The following CCDC187 variants were observed in gnomAD, a reference collection of about 807,000 sequenced individuals.
CCDC187 encodes the protein coiled-coil domain containing 187, also known as coiled-coil domain-containing protein 187.
Under a neutral mutation model 38.0 loss-of-function variants are expected in CCDC187, and 32 were observed. The observed-to-expected ratio is 0.84, with a 90% CI of 0.64 to 1.13. The LOEUF is 1.13. Ranked by LOEUF, CCDC187 falls within the 50% of genes most tolerant of loss-of-function variation. CCDC187 has a pLI of 0.00. For missense variants in CCDC187, 707 were observed against 786.8 expected (o/e 0.90, Z 1.21); for synonymous variants, 333 against 347.9 (o/e 0.96, Z 0.48).
chr9:136,260,666 G>A (rs972538834), intron 19 of CCDC187, among the ~76,000 whole-genome samples: 6 of 152,096 alleles, frequency 3.9e-5, no homozygotes, highest in African/African-American at 1.2e-4. Flanking sequence ...CCGGCGACAC[G>A]TCGTCTGCCT....
intron 9 of CCDC187, among the ~76,000 whole-genome samples, chr9:136,282,396 CG>C (rs1374470269): frequency 2.0e-5 from 3 of 152,184 alleles, no homozygotes; most frequent in African/African-American, 7.2e-5. Flanking sequence ...CTACCAGGCA[CG>C]GGGAGGCAGT....
chr9:136,259,048 G>C, intron 21 of CCDC187, 47 bp from the exon 22 acceptor site: 1 of 985,032 alleles, frequency 1.0e-6, no homozygotes, highest in South Asian at 4.7e-5. Flanking sequence ...CCTGAAGGGA[G>C]GGCACCAAGG....
chr9:136,259,789 C>T (rs937132569), intron 20 of CCDC187, among the ~76,000 whole-genome samples: 5 of 152,204 alleles, frequency 3.3e-5, no homozygotes, highest in South Asian at 2.1e-4. Flanking sequence ...GAGGGCTGCA[C>T]GTGGCCCAGG....
At chr9:136,265,839 G>A in intron 17 of CCDC187, 117 bp downstream of exon 17, 1 of 444,338 alleles carries the variant, frequency 2.3e-6, no homozygotes, top group Non-Finnish European at 3.0e-6. Context: ...AGGGTGGCAA[G>A]GGCTTGGGAA....
chr9:136,306,246 G>A (rs953482784), upstream of CCDC187, among the ~76,000 whole-genome samples: 2 of 152,278 alleles, frequency 1.3e-5, no homozygotes, highest in Admixed American at 1.3e-4. Context: ...ACCCTACTCC[G>A]GGCCTAGCTG....
rs925993394 is a variant in CCDC187 at position 136,285,551 on chromosome 9, G to A, written c.2889C>T (p.Gly963=). 8 of 402,858 alleles carry A rather than the reference G, an allele frequency of 2.0e-5. No individual in the cohort carries two copies. The highest frequency in any genetic ancestry group is 8.2e-5 in the African/African-American group (4 of 48,640). The allele number at this position is 402,858 out of a possible 1,614,324, so 25.0% of individuals were successfully genotyped here. The part of the protein sequence containing the change: ...DVKPDKRLQR[G]VAPFQALSPS... ...GGCTGAGGGCCTGGAAGGGGGCCAC[G>A]CCTCTCTGCAGCCTTTTGTCTGGTT... The change falls in exon 9 of 26, where the codon GGC becomes GGT. Residue 963 remains glycine, a synonymous_variant. Transcript: ENST00000638797.
upstream of CCDC187, among the ~76,000 whole-genome samples, chr9:136,306,466 G>A (rs988212816): frequency 2.6e-4 from 40 of 152,198 alleles, no homozygotes; most frequent in African/African-American, 8.7e-4. Context: ...ACACACTGGC[G>A]TGCAGATGCT....
At position 136,261,947 on chromosome 9, in the gene CCDC187, G is replaced by C. The variant is rs116775175; in HGVS notation, c.4064+364C>G. Among the ~76,000 whole-genome samples the C allele has an allele frequency of 8.7e-3, 1,319 of 152,334 alleles. 27 individuals carry two copies. Among genetic ancestry groups the C allele is most frequent in the African/African-American group, 0.03 (1,255 of 41,580 alleles). Reference sequence around the variant, plus strand: ...CGGGAGGCTCTTGATGGGAAAAACAGCTCCTCCTCCCATGGCCAGGCTCTC... The same window carrying C: ...CGGGAGGCTCTTGATGGGAAAAACACCTCCTCCTCCCATGGCCAGGCTCTC... On this transcript the variant is annotated intron_variant, in intron 19 of 25. Coordinates refer to ENST00000638797, the MANE Select transcript of CCDC187 (RefSeq NM_001378188.1).
chr9:136,285,161 G>T (rs1053041232), intron 9 of CCDC187, among the ~76,000 whole-genome samples: 1 of 152,070 alleles, frequency 6.6e-6, no homozygotes, highest in Non-Finnish European at 1.5e-5. Context: ...TGGGGTCGCC[G>T]GGCCCGGATG....
rs560187253 is a variant in CCDC187, at chr9:136,256,151, G to A, written c.4616+60C>T. 14 of 896,306 alleles carry A rather than the reference G, an allele frequency of 1.6e-5. No homozygotes were observed. In the South Asian group the frequency reaches 2.0e-4, roughly 13 times the overall value. The allele number at this position is 896,306 out of a possible 1,614,324, so 55.5% of individuals were successfully genotyped here. A position where few individuals can be genotyped will look rare whatever the true frequency, so the allele number is the denominator to read the frequency against. ...CCACAGCAGGGGGACAGGGGGTACC[G>A]GCTGAACCCGTCTCCGTGCCTCACG... On this transcript the variant is annotated intron_variant, in intron 24 of 25. Transcript: ENST00000638797.
intron 9 of CCDC187, among the ~76,000 whole-genome samples, chr9:136,282,767 C>T (rs988069896): frequency 2.6e-5 from 4 of 152,232 alleles, no homozygotes; most frequent in Admixed American, 1.3e-4. Flanking sequence ...CCTCCCAACC[C>T]CCGCCCGCAT....
rs1303686796 is a variant in CCDC187, at chr9:136,270,357, C to G, written c.3443-2232G>C. On this transcript the variant is annotated intron_variant, in intron 14 of 25. Transcript: ENST00000638797. ...TAAGGAGTCTTAATCACTGAGTCGT[C>G]CAAGTGATTAAAAAGGTCAAGCAAG... 2.0e-5 allele frequency among the ~76,000 whole-genome samples: 3 copies of G among 152,050 alleles called. No individual in the cohort carries two copies. In the East Asian group the frequency reaches 5.8e-4, roughly 29 times the overall value.
At chr9:136,278,297 GT>G (rs1830972614) in intron 10 of CCDC187, among the ~76,000 whole-genome samples, 2 of 152,220 alleles carry the variant, frequency 1.3e-5, no homozygotes, top group African/African-American at 4.8e-5. Flanking sequence ...TCTCCCAGCT[GT>G]GGCCTGAGGA....
intron 14 of CCDC187, among the ~76,000 whole-genome samples, chr9:136,270,984 A>G (rs550808855): frequency 1.3e-5 from 2 of 152,352 alleles, no homozygotes; most frequent in East Asian, 1.9e-4. Flanking sequence ...GATCATCTCT[A>G]TATCTAATTT....
At chr9:136,293,054 G>A (rs1337170928) in intron 4 of CCDC187, among the ~76,000 whole-genome samples, 2 of 152,344 alleles carry the variant, frequency 1.3e-5, no homozygotes, top group East Asian at 3.9e-4. Context: ...GGCAAAGGCC[G>A]GAGGTAGGGC....
rs557296542 is a variant in CCDC187 at position 136,269,477 on chromosome 9, G to A, written c.3443-1352C>T. Among the ~76,000 whole-genome samples, 109 of 152,172 alleles carry A rather than the reference G, an allele frequency of 7.2e-4. 2 individuals carry two copies. Among genetic ancestry groups the A allele is most frequent in the Non-Finnish European group, 1.3e-3 (89 of 68,004 alleles). On this transcript the variant is annotated intron_variant, in intron 14 of 25. Coordinates refer to ENST00000638797, the MANE Select transcript of CCDC187 (RefSeq NM_001378188.1). ...ATCCTGGCTAACATGGTGAAACCCC[G>A]TCTCTACTAAAATACAAAAAATTAG...
At chr9:136,292,358 C>A in intron 4 of CCDC187, 63 bp from the exon 5 acceptor site, 1 of 398,364 alleles carries the variant, frequency 2.5e-6, no homozygotes, top group Non-Finnish European at 4.4e-6. Flanking sequence ...CTGGCCCGGA[C>A]GGGGAGGTTG....
intron 14 of CCDC187, among the ~76,000 whole-genome samples, chr9:136,273,596 G>A (rs868929058): frequency 3.0e-4 from 46 of 152,288 alleles, no homozygotes; most frequent in African/African-American, 1.1e-3. Context: ...CTTATTCATC[G>A]ATAGGAATGT....
At position 136,303,341 on chromosome 9, in the gene CCDC187, T is replaced by G. The variant is rs2131372733; in HGVS notation, c.144-48A>C. The G allele has an allele frequency of 2.3e-5, 9 of 395,480 alleles. No homozygotes were observed. In the East Asian group the frequency reaches 3.2e-4, roughly 14 times the overall value. The allele number at this position is 395,480 out of a possible 1,614,324, so 24.5% of individuals were successfully genotyped here. Reference sequence around the variant, plus strand: ...CCGGTCAGACATGCAGGCGCAGAGGTGCCGAGCAGAGCCGCTCAGACTGGC... The same window carrying G: ...CCGGTCAGACATGCAGGCGCAGAGGGGCCGAGCAGAGCCGCTCAGACTGGC... On this transcript the variant is annotated intron_variant, in intron 1 of 25. Transcript: ENST00000638797.
Sources: allele counts gnomAD v4.1 joint callset (sites outside exome capture counted in the v4.1 genomes callset), GRCh38; gene constraint gnomAD v4.1.1; transcripts MANE v1.5; gene names NCBI Gene and HGNC (gene_info 2026-07-23, HGNC 2026-07-21).